Variants in NCALD observed in about 807,000 individuals in gnomAD.
NCALD encodes the protein neurocalcin-delta.
A neutral mutation model predicts 18.6 loss-of-function variants in NCALD; 10 were observed. The observed-to-expected ratio is 0.54, with a 90% CI of 0.33 to 0.91. NCALD has a LOEUF of 0.91. Ranked by LOEUF, NCALD falls within the 40% of genes least tolerant of loss-of-function variation. The pLI is 0.03. For synonymous variants in NCALD, 88 were observed against 87.4 expected (o/e 1.01, Z -0.04); for missense variants, 184 against 247.6 (o/e 0.74, Z 1.72).
rs76589883 is a variant in NCALD at position 101,964,728 on chromosome 8, T to C, written c.-156-48870A>G. On this transcript the variant is annotated intron_variant, in intron 2 of 6. Transcript: ENST00000311028. ...AAACATCTGTCTAAATGTCTAAACATGTACAGAAATCCAAATTATCCATAA... is the reference window on the plus strand; with the variant it reads ...AAACATCTGTCTAAATGTCTAAACACGTACAGAAATCCAAATTATCCATAA... Among the ~76,000 whole-genome samples the C allele has an allele frequency of 8.5e-3, 1,294 of 152,308 alleles. 14 individuals are homozygous for C. Among genetic ancestry groups the C allele is most frequent in the African/African-American group, 0.024 (1,003 of 41,570 alleles).
chr8:101,719,637 G>T lies in NCALD; in HGVS notation c.-8C>A. ...GCTGTTCTGTTTCCCCATCCTGGCG[G>T]CAAGAATTCAGCTGCAGATAGAAAA... On this transcript the variant is annotated 5_prime_UTR_variant, in exon 2 of 4. Coordinates refer to ENST00000220931, the MANE Select transcript of NCALD (RefSeq NM_032041.3). The T allele has an allele frequency of 6.4e-7, 1 of 1,559,244 alleles. No individual in the cohort carries two copies.
chr8:101,702,797 G>A (rs531573705), intron 2 of NCALD, among the ~76,000 whole-genome samples: 54 of 152,340 alleles, frequency 3.5e-4, no homozygotes, highest in African/African-American at 1.3e-3. Context: ...ACACATTGAC[G>A]ATGCTATAAA....
At chr8:101,904,308 CT>C (rs1225182209) in intron 3 of NCALD, among the ~76,000 whole-genome samples, 1 of 152,172 alleles carries the variant, frequency 6.6e-6, no homozygotes, top group African/African-American at 2.4e-5. Context: ...CCCCGCTCCC[CT>C]AATCCCTCCT....
rs527296188 is a variant in NCALD, at chr8:101,943,764, C to T, written c.-156-27906G>A. 2.4e-3 allele frequency among the ~76,000 whole-genome samples: 370 copies of T among 152,074 alleles called. 1 individual carries two copies. The highest frequency in any genetic ancestry group is 3.5e-3 in the Non-Finnish European group (238 of 67,970). On this transcript the variant is annotated intron_variant, in intron 2 of 6. Coordinates refer to the NCALD transcript ENST00000311028. ...GACCATCCTGGCTAACATGATGAAA[C>T]CCCGTCTCTACTAAAAATACAAAAA...
intron 2 of NCALD, among the ~76,000 whole-genome samples, chr8:101,948,754 C>T (rs993933116): frequency 3.9e-5 from 6 of 152,124 alleles, no homozygotes; most frequent in African/African-American, 9.7e-5. Flanking sequence ...GAGTGCAGGG[C>T]GGAGGTTACC....
intron 3 of NCALD, among the ~76,000 whole-genome samples, chr8:101,900,588 CT>C (rs1435175253): frequency 1.3e-5 from 2 of 151,720 alleles, no homozygotes; most frequent in Non-Finnish European, 3.0e-5. Flanking sequence ...TTTTTTATTT[CT>C]TTGAAACTTT....
intron 1 of NCALD, among the ~76,000 whole-genome samples, chr8:102,110,953 AC>A (rs2132450000): frequency 6.6e-6 from 1 of 152,288 alleles, no homozygotes; most frequent in Non-Finnish European, 1.5e-5. Flanking sequence ...AATGTTTGGG[AC>A]GTATGGTTAA....
intron 1 of NCALD, among the ~76,000 whole-genome samples, chr8:101,742,573 C>G (rs866604463): frequency 1.4e-4 from 21 of 152,126 alleles, no homozygotes; most frequent in African/African-American, 5.1e-4. Context: ...CAACAGTGAT[C>G]AAATCTGAGT....
chr8:102,021,429 A>T (rs1822269268), intron 1 of NCALD, among the ~76,000 whole-genome samples: 1 of 152,216 alleles, frequency 6.6e-6, no homozygotes, highest in African/African-American at 2.4e-5. Flanking sequence ...AAGACTTAAA[A>T]TTTTTATTTT....
chr8:102,085,073 T>C (rs987341191), intron 1 of NCALD, among the ~76,000 whole-genome samples: 3 of 152,198 alleles, frequency 2.0e-5, no homozygotes, highest in African/African-American at 7.2e-5. Flanking sequence ...GCAGGGTCTG[T>C]ACATGCACAC....
intron 4 of NCALD, among the ~76,000 whole-genome samples, chr8:101,801,643 C>CTTTTTCTTTTTT (rs1563783000): frequency 2.0e-4 from 9 of 44,142 alleles, no homozygotes; most frequent in Non-Finnish European, 4.5e-4. Context: ...AGCACACTTA[C>CTTTTTCTTTTTT]TTTTTTTTTT....
chr8:102,002,907 G>T (rs1001662360), intron 2 of NCALD, among the ~76,000 whole-genome samples: 1 of 151,614 alleles, frequency 6.6e-6, no homozygotes, highest in Middle Eastern at 3.4e-3. Flanking sequence ...GAGCACTAAG[G>T]GCCCACAAGA....
intron 1 of NCALD, among the ~76,000 whole-genome samples, chr8:102,106,923 G>T (rs76250492): frequency 0.051 from 7,699 of 151,842 alleles, 256 homozygotes; most frequent in South Asian, 0.094. Context: ...TGTCAAGTGG[G>T]CCCACCCCTT....
At chr8:101,961,407 T>C (rs1819830140) in intron 2 of NCALD, among the ~76,000 whole-genome samples, 1 of 152,188 alleles carries the variant, frequency 6.6e-6, no homozygotes, top group Admixed American at 6.5e-5. Flanking sequence ...AATTTGAGTA[T>C]TTCTCAGGTA....
chr8:101,847,865 G>A (rs550968985), intron 4 of NCALD, among the ~76,000 whole-genome samples: 1 of 152,162 alleles, frequency 6.6e-6, no homozygotes, highest in African/African-American at 2.4e-5. Flanking sequence ...GAGGTATGAG[G>A]CTGAACTTAG....
At chr8:102,028,393 A>C (rs1357468363) in intron 1 of NCALD, among the ~76,000 whole-genome samples, 1 of 152,248 alleles carries the variant, frequency 6.6e-6, no homozygotes, top group Non-Finnish European at 1.5e-5. Context: ...AAATAAAGCA[A>C]GCCTCTTTCA....
At chr8:102,077,863 C>T (rs1394216388) in intron 1 of NCALD, among the ~76,000 whole-genome samples, 1 of 152,188 alleles carries the variant, frequency 6.6e-6, no homozygotes, top group Non-Finnish European at 1.5e-5. Flanking sequence ...ATCGGGGTAC[C>T]CCAGAGATTA....
chr8:101,761,531 C>T (rs1301338572), intron 1 of NCALD, among the ~76,000 whole-genome samples: 1 of 152,178 alleles, frequency 6.6e-6, no homozygotes, highest in African/African-American at 2.4e-5. Flanking sequence ...GATGAAAGTG[C>T]ATTCACCAAA....
chr8:101,957,289 G>GT (rs11305701), intron 2 of NCALD, among the ~76,000 whole-genome samples: 5,073 of 99,420 alleles, frequency 0.051, 337 homozygotes, highest in African/African-American at 0.15. Context: ...AAAAGTTGGG[G>GT]TTTTTTTTTT....
Sources: gnomAD v4.1 joint callset for allele counts (sites outside exome capture counted in the v4.1 genomes callset) on GRCh38, gnomAD v4.1.1 for gene constraint, MANE v1.5 for transcripts, NCBI Gene and HGNC (gene_info 2026-07-23, HGNC 2026-07-21) for gene names.